Variants in PON3 observed in about 807,000 individuals in gnomAD.
PON3 encodes serum paraoxonase/lactonase 3.
PON3 carries 37 observed loss-of-function variants against 36.3 expected under a neutral mutation model. The ratio of observed to expected loss-of-function variants is 1.02; its 90% CI spans 0.78 to 1.34. PON3 has a LOEUF of 1.34. Ranked by LOEUF, PON3 falls within the 40% of genes most tolerant of loss-of-function variation. The pLI is 0.00. For missense variants in PON3, 415 were observed against 426.5 expected, an observed-to-expected ratio of 0.97 and a Z score of 0.24; for synonymous variants, 155 against 154.8, an observed-to-expected ratio of 1.00 and a Z score of -0.01.
At chr7:95,379,074 A>G (rs1194545747) in intron 3 of PON3, among the ~76,000 whole-genome samples, 2 of 50,578 alleles carry the variant, frequency 4.0e-5, no homozygotes, top group Non-Finnish European at 1.2e-4. Context: ...AAGCAAATAA[A>G]AAGCAAAAAA....
At chr7:95,389,811 G>T (rs1809279297) in intron 3 of PON3, among the ~76,000 whole-genome samples, 1 of 152,200 alleles carries the variant, frequency 6.6e-6, no homozygotes, top group Non-Finnish European at 1.5e-5. Flanking sequence ...ACTACCAGAA[G>T]CGGAAGCCCA....
intron 3 of PON3, among the ~76,000 whole-genome samples, chr7:95,383,644 A>G (rs1447379480): frequency 6.6e-6 from 1 of 152,176 alleles, no homozygotes; most frequent in Non-Finnish European, 1.5e-5. Context: ...TCCAACTTAC[A>G]AGGGATGTGA....
intron 3 of PON3, among the ~76,000 whole-genome samples, chr7:95,378,603 C>T (rs1203685107): frequency 6.6e-6 from 1 of 152,232 alleles, no homozygotes; most frequent in Non-Finnish European, 1.5e-5. Flanking sequence ...CAATATTCAA[C>T]ATTCTTAAAG....
At chr7:95,387,298 C>T (rs1390574449) in intron 3 of PON3, among the ~76,000 whole-genome samples, 1 of 152,158 alleles carries the variant, frequency 6.6e-6, no homozygotes, top group Non-Finnish European at 1.5e-5. Context: ...TTTCAGGATA[C>T]AAAATCAATG....
At chr7:95,379,492 G>C (rs1166170870) in intron 3 of PON3, among the ~76,000 whole-genome samples, 3 of 152,200 alleles carry the variant, frequency 2.0e-5, no homozygotes, top group African/African-American at 7.2e-5. Context: ...GGAAAATCAG[G>C]TCACTCCCAC....
chr7:95,396,131 G>C, intron 1 of PON3, 146 bp downstream of exon 1: 1 of 848,982 alleles, frequency 1.2e-6, no homozygotes, highest in Non-Finnish European at 2.0e-6. Flanking sequence ...CGAGTCTCAA[G>C]GGGCGGTTTG....
chr7:95,394,632 T>C lies in PON3; in HGVS notation c.145+12A>G, dbSNP rs1466499141. The C allele has an allele frequency of 1.9e-6, 3 of 1,611,248 alleles. No homozygotes were observed. The highest frequency in any genetic ancestry group is 1.7e-5 in the Admixed American group (1 of 60,024). On this transcript the variant is annotated intron_variant, in intron 2 of 8. Transcript: ENST00000265627. ...GCTGTGCTGGCTCCTCTTGGTACTG[T>C]CACATACATACCAAGTTCCTCAATA...
intron 3 of PON3, 142 bp downstream of exon 3, chr7:95,390,012 G>T: frequency 1.1e-6 from 1 of 912,428 alleles, no homozygotes; most frequent in Non-Finnish European, 1.8e-6. Context: ...CCAAAATTCT[G>T]TTTTGGCTTT....
At chr7:95,377,152 A>C (rs1027611906) in intron 3 of PON3, among the ~76,000 whole-genome samples, 8 of 152,182 alleles carry the variant, frequency 5.3e-5, no homozygotes, top group Admixed American at 4.6e-4. Context: ...CGGCTAGCAC[A>C]GCAGTCTGAG....
In PON3 at chr7:95,379,711, C is replaced by T. The variant is rs527497761; in HGVS notation, c.202-7373G>A. ...AGGTAAACAAAGTGGTCAGGAAGCT[C>T]GAACTGGGTGGAGCCCACCGCAGCT... is the stretch of plus-strand genomic sequence containing the variant. On this transcript the variant is annotated intron_variant, in intron 3 of 8. Coordinates refer to ENST00000265627, the MANE Select transcript of PON3 (RefSeq NM_000940.3). Among the ~76,000 whole-genome samples the T allele has an allele frequency of 5.1e-4, 77 of 152,286 alleles. 2 individuals carry two copies. The highest frequency in any genetic ancestry group is 4.4e-3 in the Admixed American group (68 of 15,304).
chr7:95,365,118 C>T (rs898808204), intron 5 of PON3: 2 of 152,156 alleles, frequency 1.3e-5, no homozygotes, highest in Admixed American at 1.3e-4. Context: ...AACTGCCTCA[C>T]AATTTGTTTC....
intron 2 of PON3, among the ~76,000 whole-genome samples, chr7:95,392,937 A>T (rs1809352137): frequency 6.6e-6 from 1 of 152,166 alleles, no homozygotes; most frequent in African/African-American, 2.4e-5. Flanking sequence ...CCCATTATTC[A>T]AAGATATCCA....
chr7:95,396,256 C>T, intron 1 of PON3, 21 bp downstream of exon 1: 1 of 1,613,132 alleles, frequency 6.2e-7, no homozygotes, highest in South Asian at 1.1e-5. Flanking sequence ...GTCGAAGACG[C>T]CCTGTCAAGA....
rs750098152 is a variant in PON3 at position 95,385,761 on chromosome 7, C to T, written c.201+4393G>A. Among the ~76,000 whole-genome samples the T allele has an allele frequency of 2.3e-4, 35 of 152,318 alleles. 1 individual carries two copies. The highest frequency in any genetic ancestry group is 3.4e-3 in the Middle Eastern group (1 of 294). On this transcript the variant is annotated intron_variant, in intron 3 of 8. Transcript: ENST00000265627. ...CAAATTAGAACACCAGATTAAGAAACTCACTCAAAACTACACAACTACATG... is the reference window on the plus strand; with the variant it reads ...CAAATTAGAACACCAGATTAAGAAATTCACTCAAAACTACACAACTACATG...
chr7:95,381,667 T>C (rs922559990), intron 3 of PON3, among the ~76,000 whole-genome samples: 8 of 152,136 alleles, frequency 5.3e-5, no homozygotes, highest in Non-Finnish European at 8.8e-5. Context: ...CCTAAATATA[T>C]ATGCACCCAA....
Position 95,362,479 on chromosome 7 carries a change from C to T in PON3, c.789G>A (p.Leu263=). Residue 263 remains leucine (L), a synonymous_variant, in exon 8 of 9, where the codon TTG becomes TTA. Coordinates refer to ENST00000265627, the MANE Select transcript of PON3 (RefSeq NM_000940.3). ...CAGTCAGGTTATCCACTAAGGTGCC[C>T]AACTGTATCACCTTACAACAAAGAG... is the stretch of plus-strand genomic sequence containing the variant. ...WDLTQLKVIQ[L]GTLVDNLTVD... is the part of the protein sequence containing the mutation. The T allele has an allele frequency of 6.2e-7, 1 of 1,613,686 alleles. No individual in the cohort carries two copies. The highest frequency in any genetic ancestry group is 8.5e-7 in the Non-Finnish European group (1 of 1,179,738).
At chr7:95,391,062 A>T (rs1288869924) in intron 2 of PON3, among the ~76,000 whole-genome samples, 1 of 152,182 alleles carries the variant, frequency 6.6e-6, no homozygotes, top group East Asian at 1.9e-4. Flanking sequence ...TGTCAACCCT[A>T]CTGCTACTTG....
At chr7:95,374,056 A>G (rs1240053331) in intron 3 of PON3, among the ~76,000 whole-genome samples, 4 of 152,112 alleles carry the variant, frequency 2.6e-5, no homozygotes, top group African/African-American at 9.7e-5. Context: ...ATGCCTGATG[A>G]TCTGAGGTAG....
At chr7:95,366,625 C>A (rs1354320349) in intron 5 of PON3, among the ~76,000 whole-genome samples, 1 of 152,190 alleles carries the variant, frequency 6.6e-6, no homozygotes, top group Non-Finnish European at 1.5e-5. Flanking sequence ...TTTAAACAGG[C>A]AGCCTCTCCA....
Sources: allele counts gnomAD v4.1 joint callset (sites outside exome capture counted in the v4.1 genomes callset), GRCh38; gene constraint gnomAD v4.1.1; transcripts MANE v1.5; gene names NCBI Gene and HGNC (gene_info 2026-07-23, HGNC 2026-07-21).